Variants in ASH1L observed in about 807,000 individuals in gnomAD.
The protein encoded by ASH1L is histone-lysine N-methyltransferase ASH1L.
In ASH1L, 23 loss-of-function variants were observed where a neutral mutation model predicts 269.0. The ratio of observed to expected loss-of-function variants is 0.09; its 90% CI spans 0.06 to 0.12. The LOEUF is 0.12. Ranked by LOEUF, ASH1L falls within the 10% of genes least tolerant of loss-of-function variation. The pLI, the probability that ASH1L is intolerant of heterozygous loss-of-function variation, is 1.00. For synonymous variants in ASH1L, 1,187 were observed against 1,253.5 expected (o/e 0.95, Z 1.12); for missense variants, 2,912 against 3,567.8 (o/e 0.82, Z 4.68).
At chr1:155,505,600 A>G (rs1667763564) in intron 2 of ASH1L, among the ~76,000 whole-genome samples, 2 of 152,184 alleles carry the variant, frequency 1.3e-5, no homozygotes, top group Non-Finnish European at 2.9e-5. Context: ...TAAGATGAAA[A>G]TGTTTATTAA....
chr1:155,525,190 T>C (rs1669164860), intron 1 of ASH1L, among the ~76,000 whole-genome samples: 1 of 152,040 alleles, frequency 6.6e-6, no homozygotes. Flanking sequence ...GAGGCTGCAG[T>C]GAGCCATGTT....
chr1:155,546,515 C>G (rs1558213270), intron 1 of ASH1L, among the ~76,000 whole-genome samples: 1 of 152,006 alleles, frequency 6.6e-6, no homozygotes, highest in Non-Finnish European at 1.5e-5. Context: ...AATCCCAGCA[C>G]TTTGGGAGGC....
chr1:155,529,066 G>C (rs970671014), intron 1 of ASH1L, among the ~76,000 whole-genome samples: 3 of 151,944 alleles, frequency 2.0e-5, no homozygotes, highest in African/African-American at 7.3e-5. Context: ...ATTTCATGAT[G>C]TATATGTACT....
intron 3 of ASH1L, among the ~76,000 whole-genome samples, chr1:155,465,840 A>G (rs879300453): frequency 6.6e-6 from 1 of 152,186 alleles, no homozygotes; most frequent in Non-Finnish European, 1.5e-5. Flanking sequence ...TTTTGTTCCC[A>G]GATTCAAGTT....
rs1484020180 is a variant in ASH1L at position 155,550,018 on chromosome 1, C to T, written c.-100+12135G>A. 7.2e-5 allele frequency among the ~76,000 whole-genome samples: 10 copies of T among 139,168 alleles called. No individual in the cohort carries two copies. In the East Asian group the frequency reaches 2.4e-3, roughly 33 times the overall value. 91.3% of individuals were successfully genotyped at this position (139,168 alleles called of 152,430 possible). On this transcript the variant is annotated intron_variant, in intron 1 of 27. Transcript: ENST00000392403. Reference sequence around the variant, plus strand: ...CAATCAGCTGTTGCCTCAACTATCACGATAGCCTCTTTTTTTTTTTGAGAC... The same window carrying T: ...CAATCAGCTGTTGCCTCAACTATCATGATAGCCTCTTTTTTTTTTTGAGAC...
intron 2 of ASH1L, among the ~76,000 whole-genome samples, chr1:155,508,387 C>A (rs1275171784): frequency 1.3e-5 from 2 of 152,152 alleles, no homozygotes; most frequent in Admixed American, 1.3e-4. Context: ...TGCCTGTAAT[C>A]CTAGCACTTT....
rs1457718392 is a variant in ASH1L at position 155,487,271 on chromosome 1, G to A, written c.421-4822C>T. On this transcript the variant is annotated intron_variant, in intron 2 of 27. Coordinates refer to ENST00000392403, the MANE Select transcript of ASH1L (RefSeq NM_018489.3). ...TCATTTATATAAAGACCACAAAGAG[G>A]AAAAATTTATTATGATATTAAAAAT... is the stretch of plus-strand genomic sequence containing the variant. Among the ~76,000 whole-genome samples the A allele has an allele frequency of 2.0e-5, 3 of 151,708 alleles. No individual in the cohort carries two copies. The East Asian group carries it at 5.8e-4, about 29-fold the overall frequency.
At chr1:155,419,300 T>C (rs925248339) in intron 5 of ASH1L, 1 of 149,196 alleles carries the variant, frequency 6.7e-6, no homozygotes, top group Non-Finnish European at 1.5e-5. Flanking sequence ...CAGAAGACAA[T>C]GTAATGACAT....
intron 5 of ASH1L, chr1:155,433,396 GA>G (rs1661772791): frequency 1.2e-6 from 2 of 1,605,840 alleles, no homozygotes; most frequent in East Asian, 4.5e-5. Context: ...TCTGTGGGGG[GA>G]TGGCGTACTG....
chr1:155,493,856 A>ATC (rs1666976182), intron 2 of ASH1L, among the ~76,000 whole-genome samples: 1 of 152,222 alleles, frequency 6.6e-6, no homozygotes. Context: ...CCTGGGGGAT[A>ATC]GAGCAAGACT....
intron 5 of ASH1L, among the ~76,000 whole-genome samples, chr1:155,418,797 C>G (rs1264261723): frequency 1.3e-5 from 2 of 152,144 alleles, no homozygotes; most frequent in Non-Finnish European, 2.9e-5. Context: ...AGGCTGGGCG[C>G]AGTGGCTCAC....
chr1:155,362,258 TCTC>T (rs1368168525), intron 12 of ASH1L, among the ~76,000 whole-genome samples: 1 of 151,964 alleles, frequency 6.6e-6, no homozygotes, highest in Non-Finnish European at 1.5e-5. Context: ...ACGGTCTCAA[TCTC>T]CTGAGCTCGT....
chr1:155,530,951 C>T (rs1669633427), intron 1 of ASH1L, among the ~76,000 whole-genome samples: 1 of 151,748 alleles, frequency 6.6e-6, no homozygotes, highest in African/African-American at 2.4e-5. Flanking sequence ...TCCAGAGGCA[C>T]TCCAGCCTGG....
At chr1:155,411,916 G>T (rs1659844553) in intron 6 of ASH1L, among the ~76,000 whole-genome samples, 1 of 151,636 alleles carries the variant, frequency 6.6e-6, no homozygotes. Flanking sequence ...TTTCTACATG[G>T]CTGTCATTGA....
intron 2 of ASH1L, among the ~76,000 whole-genome samples, chr1:155,517,292 G>C (rs1558184627): frequency 6.6e-6 from 1 of 152,140 alleles, no homozygotes; most frequent in African/African-American, 2.4e-5. Context: ...TGAGGCTGCA[G>C]TGAGTAGCGT....
At chr1:155,465,289 CAAAA>C (rs1171228344) in intron 3 of ASH1L, among the ~76,000 whole-genome samples, 4 of 62,576 alleles carry the variant, frequency 6.4e-5, no homozygotes, top group African/African-American at 2.4e-4. Context: ...TACAAATTAG[CAAAA>C]AAAAAAAAAA....
intron 3 of ASH1L, among the ~76,000 whole-genome samples, chr1:155,467,592 T>C (rs941680914): frequency 6.6e-6 from 1 of 152,196 alleles, no homozygotes; most frequent in African/African-American, 2.4e-5. Context: ...ATAAGTCAGT[T>C]TGATTCCCCA....
intron 7 of ASH1L, among the ~76,000 whole-genome samples, chr1:155,383,633 A>T (rs1358060820): frequency 1.3e-5 from 2 of 152,324 alleles, no homozygotes; most frequent in Non-Finnish European, 2.9e-5. Flanking sequence ...CCTCATCGTT[A>T]AGCAACACAT....
At position 155,371,561 on chromosome 1, in the gene ASH1L, A is replaced by T. The variant is rs559760610; in HGVS notation, c.6333-578T>A. 7.9e-5 allele frequency among the ~76,000 whole-genome samples: 12 copies of T among 152,234 alleles called. No homozygotes were observed. In the South Asian group the frequency reaches 8.3e-4, roughly 11 times the overall value. On this transcript the variant is annotated intron_variant, in intron 10 of 27. Coordinates refer to ENST00000392403, the MANE Select transcript of ASH1L (RefSeq NM_018489.3). ...AGACTCCGTCTCAAAATAAATAAAT[A>T]AAATAAATAAATAAATAACTGTGAT...
Sources: allele counts gnomAD v4.1 joint callset (sites outside exome capture counted in the v4.1 genomes callset), GRCh38; gene constraint gnomAD v4.1.1; transcripts MANE v1.5; gene names NCBI Gene and HGNC (gene_info 2026-07-23, HGNC 2026-07-21).